The following ZNF618 variants were observed in gnomAD, a reference collection of about 807,000 sequenced individuals.
ZNF618 encodes zinc finger protein 618.
ZNF618 carries 34 observed loss-of-function variants against 103.0 expected under a neutral mutation model. The observed-to-expected ratio is 0.33, with a 90% CI of 0.25 to 0.44. The LOEUF (loss-of-function observed/expected upper bound fraction) is 0.44. Ranked by LOEUF, ZNF618 falls within the 20% of genes least tolerant of loss-of-function variation. ZNF618 has a pLI of 1.00. For missense variants in ZNF618, 1,059 were observed against 1,295.4 expected (o/e 0.82, Z 2.80); for synonymous variants, 551 against 542.2 (o/e 1.02, Z -0.23).
intron 1 of ZNF618, among the ~76,000 whole-genome samples, chr9:113,953,342 C>T (rs900786856): frequency 1.3e-5 from 2 of 152,148 alleles, no homozygotes; most frequent in African/African-American, 4.8e-5. Flanking sequence ...ATCACCTCAT[C>T]CTAATACCTG....
intron 1 of ZNF618, among the ~76,000 whole-genome samples, chr9:113,929,366 T>C (rs1201574750): frequency 6.6e-6 from 1 of 152,236 alleles, no homozygotes; most frequent in Non-Finnish European, 1.5e-5. Context: ...GTTTGCTCTG[T>C]GGCCTCAATC....
chr9:113,881,217 G>A (rs978853632), intron 1 of ZNF618, among the ~76,000 whole-genome samples: 2 of 152,128 alleles, frequency 1.3e-5, no homozygotes, highest in East Asian at 1.9e-4. Flanking sequence ...GTCTGTGTTT[G>A]TGCTATATTT....
chr9:113,965,870 T>C (rs1174320132), intron 1 of ZNF618, among the ~76,000 whole-genome samples: 1 of 152,148 alleles, frequency 6.6e-6, no homozygotes, highest in Non-Finnish European at 1.5e-5. Context: ...CGCTTAGTAC[T>C]TTAGTGACAT....
At chr9:113,972,257 C>T (rs1310499326) in intron 2 of ZNF618, among the ~76,000 whole-genome samples, 1 of 152,096 alleles carries the variant, frequency 6.6e-6, no homozygotes, top group African/African-American at 2.4e-5. Flanking sequence ...CTGTGTTGCC[C>T]AGGCTGGTCT....
intron 6 of ZNF618, 82 bp downstream of exon 6, chr9:114,002,744 C>A (rs941898633): frequency 6.7e-7 from 1 of 1,497,982 alleles, no homozygotes; most frequent in Non-Finnish European, 9.1e-7. Context: ...TCCCCTCCCC[C>A]AGAACTGCTC....
chr9:113,920,349 G>A (rs934789345), intron 1 of ZNF618, among the ~76,000 whole-genome samples: 2 of 152,018 alleles, frequency 1.3e-5, no homozygotes, highest in African/African-American at 4.8e-5. Flanking sequence ...GTGCTTGGGA[G>A]AAGGTACTGT....
chr9:113,998,613 A>G (rs1484641723), intron 4 of ZNF618, among the ~76,000 whole-genome samples: 1 of 152,218 alleles, frequency 6.6e-6, no homozygotes, highest in Non-Finnish European at 1.5e-5. Context: ...TTTTGGCAGC[A>G]CTTCCTATGG....
At chr9:113,901,541 G>T (rs1163079398) in intron 1 of ZNF618, among the ~76,000 whole-genome samples, 1 of 152,170 alleles carries the variant, frequency 6.6e-6, no homozygotes, top group Non-Finnish European at 1.5e-5. Context: ...ATCAGCGCCC[G>T]TGCCAGGGCC....
At chr9:113,933,872 G>C (rs1325953501) in intron 1 of ZNF618, among the ~76,000 whole-genome samples, 1 of 152,134 alleles carries the variant, frequency 6.6e-6, no homozygotes, top group African/African-American at 2.4e-5. Context: ...AAGGGTGACA[G>C]GGTGGTGGAT....
intron 13 of ZNF618, among the ~76,000 whole-genome samples, chr9:114,037,872 G>GT (rs1390700638): frequency 6.6e-6 from 1 of 152,176 alleles, no homozygotes; most frequent in East Asian, 1.9e-4. Flanking sequence ...GAGCTCTGGA[G>GT]TGGCAGCCAA....
chr9:113,890,388 G>A (rs2131003800), intron 1 of ZNF618, among the ~76,000 whole-genome samples: 1 of 152,206 alleles, frequency 6.6e-6, no homozygotes, highest in African/African-American at 2.4e-5. Context: ...CTGTTCTGAG[G>A]CCTGATGTCT....
chr9:113,963,892 G>A (rs1324633616), intron 1 of ZNF618, among the ~76,000 whole-genome samples: 2 of 152,162 alleles, frequency 1.3e-5, no homozygotes, highest in Non-Finnish European at 2.9e-5. Flanking sequence ...TTCAGGAACT[G>A]CAGCCCCAGT....
rs1394132797 is a variant in ZNF618, at chr9:114,056,189, C to G, written c.*6022C>G. 6.6e-6 allele frequency: 1 copy of G among 152,056 alleles called. No homozygotes were observed. Among genetic ancestry groups the G allele is most frequent in the Non-Finnish European group, 1.5e-5 (1 of 67,984 alleles). 9.4% of individuals were successfully genotyped at this position (152,056 alleles called of 1,614,324 possible). A position where few individuals can be genotyped will look rare whatever the true frequency, so the allele number is the denominator to read the frequency against. On this transcript the variant is annotated 3_prime_UTR_variant, in exon 15 of 15. Coordinates refer to ENST00000374126, the MANE Select transcript of ZNF618 (RefSeq NM_001318042.2). ...GTTTGTCCTTTGGGTTTTTGTTTCA[C>G]TTTGTTTTGGTGCCGTTTCTCCATT...
intron 1 of ZNF618, among the ~76,000 whole-genome samples, chr9:113,964,477 A>C (rs1837169976): frequency 6.7e-6 from 1 of 149,926 alleles, no homozygotes; most frequent in African/African-American, 2.5e-5. Context: ...ACCCTCCCCC[A>C]CCCTCACCGC....
At chr9:114,020,063 A>G (rs1256658764) in intron 10 of ZNF618, among the ~76,000 whole-genome samples, 1 of 152,204 alleles carries the variant, frequency 6.6e-6, no homozygotes, top group Non-Finnish European at 1.5e-5. Flanking sequence ...TTCCATACAG[A>G]TACCTGGTTG....
At chr9:113,989,329 G>A (rs1392383102) in intron 3 of ZNF618, among the ~76,000 whole-genome samples, 7 of 152,230 alleles carry the variant, frequency 4.6e-5, no homozygotes, top group South Asian at 4.1e-4. Flanking sequence ...ACGGCTCAGC[G>A]TTGCCACATC....
intron 4 of ZNF618, among the ~76,000 whole-genome samples, chr9:113,999,850 T>A (rs569686815): frequency 6.6e-6 from 1 of 152,312 alleles, no homozygotes; most frequent in Non-Finnish European, 1.5e-5. Context: ...CCCGGCACAT[T>A]GCAGGCACTC....
chr9:113,876,525 G>T, intron 1 of ZNF618, 112 bp downstream of exon 1: 1 of 886,678 alleles, frequency 1.1e-6, no homozygotes, highest in Non-Finnish European at 1.4e-6. Flanking sequence ...GCCTGGGCAC[G>T]TTTGCGGGCT....
chr9:114,014,920 G>T (rs1200999534), intron 9 of ZNF618, among the ~76,000 whole-genome samples: 1 of 152,166 alleles, frequency 6.6e-6, no homozygotes, highest in Non-Finnish European at 1.5e-5. Context: ...TCACAGTGAA[G>T]ATTTTGATCC....
Sources: gnomAD v4.1 joint callset for allele counts (sites outside exome capture counted in the v4.1 genomes callset) on GRCh38, gnomAD v4.1.1 for gene constraint, MANE v1.5 for transcripts, NCBI Gene and HGNC (gene_info 2026-07-23, HGNC 2026-07-21) for gene names.